Variants in ARHGEF28 observed in about 807,000 individuals in gnomAD.
ARHGEF28 encodes Rho guanine nucleotide exchange factor 28.
Under a neutral mutation model 206.6 loss-of-function variants are expected in ARHGEF28, and 152 were observed. That is an observed-to-expected ratio of 0.74 (90% confidence interval 0.64 to 0.84). ARHGEF28 has a LOEUF of 0.84. Ranked by LOEUF, ARHGEF28 falls within the 40% of genes least tolerant of loss-of-function variation. The pLI, the probability that ARHGEF28 is intolerant of heterozygous loss-of-function variation, is 0.00. For synonymous variants in ARHGEF28, 763 were observed against 776.4 expected (o/e 0.98, Z 0.29); for missense variants, 2,028 against 2,073.2 (o/e 0.98, Z 0.42).
chr5:73,705,773 T>C (rs548523542), intron 2 of ARHGEF28, among the ~76,000 whole-genome samples: 2 of 152,306 alleles, frequency 1.3e-5, no homozygotes, highest in East Asian at 3.9e-4. Context: ...TTTCCTGGAC[T>C]CTCCTAGGTG....
chr5:73,839,126 A>AT (rs1232371122), intron 10 of ARHGEF28, among the ~76,000 whole-genome samples: 1 of 152,200 alleles, frequency 6.6e-6, no homozygotes, highest in African/African-American at 2.4e-5. Context: ...TACGGAAGTG[A>AT]TGATGGGTGC....
chr5:73,792,305 C>T (rs768773652), intron 7 of ARHGEF28, among the ~76,000 whole-genome samples: 5 of 152,098 alleles, frequency 3.3e-5, no homozygotes, highest in Non-Finnish European at 7.4e-5. Context: ...GCATGGCAAG[C>T]TATAAAAACT....
At position 73,869,804 on chromosome 5, in the gene ARHGEF28, A is replaced by C. The variant is rs548902144; in HGVS notation, c.2426-265A>C. On this transcript the variant is annotated intron_variant, in intron 20 of 35. Transcript: ENST00000513042. ...ATGCCTGTAATTCTTGCTACTTGGGAGGCTGAGGCAGGAGAATTGCTTGAA... is the reference window on the plus strand; with the variant it reads ...ATGCCTGTAATTCTTGCTACTTGGGCGGCTGAGGCAGGAGAATTGCTTGAA... Among the ~76,000 whole-genome samples, 18 of 152,188 alleles carry C rather than the reference A, an allele frequency of 1.2e-4. No individual in the cohort carries two copies. The East Asian group carries it at 3.5e-3, about 30-fold the overall frequency.
intron 1 of ARHGEF28, among the ~76,000 whole-genome samples, chr5:73,635,375 A>G (rs1337505423): frequency 6.6e-6 from 1 of 151,682 alleles, no homozygotes; most frequent in African/African-American, 2.4e-5. Flanking sequence ...TTTTTTTTTT[A>G]TCATTTATGT....
intron 2 of ARHGEF28, among the ~76,000 whole-genome samples, chr5:73,747,342 T>A (rs565533284): frequency 6.6e-6 from 1 of 152,176 alleles, no homozygotes; most frequent in Non-Finnish European, 1.5e-5. Flanking sequence ...AAGTAGCAGA[T>A]TTTCAGTGGA....
chr5:73,742,552 C>T (rs1300628882), intron 2 of ARHGEF28, among the ~76,000 whole-genome samples: 2 of 151,722 alleles, frequency 1.3e-5, no homozygotes, highest in Non-Finnish European at 2.9e-5. Context: ...AGGCCGGGCG[C>T]AGTGGCTCAC....
At chr5:73,731,681 A>C (rs1750633682) in intron 2 of ARHGEF28, among the ~76,000 whole-genome samples, 1 of 152,194 alleles carries the variant, frequency 6.6e-6, no homozygotes, top group African/African-American at 2.4e-5. Context: ...TTTTGTATTC[A>C]TTACATGTGC....
intron 4 of ARHGEF28, among the ~76,000 whole-genome samples, chr5:73,761,888 G>A (rs190649650): frequency 6.6e-6 from 1 of 151,866 alleles, no homozygotes; most frequent in African/African-American, 2.4e-5. Flanking sequence ...TTAAGATGGG[G>A]TGTCGCTGTA....
At chr5:73,700,241 G>T (rs1171070943) in intron 2 of ARHGEF28, among the ~76,000 whole-genome samples, 1 of 152,142 alleles carries the variant, frequency 6.6e-6, no homozygotes, top group African/African-American at 2.4e-5. Context: ...GAGAATATGG[G>T]AACCCGTGTG....
intron 31 of ARHGEF28, chr5:73,903,747 A>G (rs967277546): frequency 4.3e-5 from 7 of 163,000 alleles, no homozygotes; most frequent in African/African-American, 1.7e-4. Flanking sequence ...CAACTGCTGT[A>G]TATGTTGATA....
At chr5:73,830,495 A>C (rs912152726) in intron 9 of ARHGEF28, among the ~76,000 whole-genome samples, 2 of 151,030 alleles carry the variant, frequency 1.3e-5, no homozygotes, top group African/African-American at 4.9e-5. Context: ...TGGAGCTTGC[A>C]GTGAGCCGAG....
chr5:73,801,560 AAC>A (rs949003591), intron 9 of ARHGEF28, among the ~76,000 whole-genome samples: 7 of 152,304 alleles, frequency 4.6e-5, no homozygotes, highest in African/African-American at 9.6e-5. Context: ...GTTATTTAAT[AAC>A]ACATGTGTAT....
Position 73,940,926 on chromosome 5 carries a change from A to G in ARHGEF28, c.5031A>G (p.Glu1677=). ...CTCAACTGCAGGCGTTTATAACAGA[A>G]GCAAAGCTAAATCTACCGACAAGGA... ...HRPQLQAFIT[E]AKLNLPTRTM... is the part of the protein sequence containing the mutation. Residue 1677 remains glutamate (E), a synonymous_variant, in exon 36 of 36, where the codon GAA becomes GAG. Coordinates refer to ENST00000513042, the MANE Select transcript of ARHGEF28 (RefSeq NM_001177693.2). The G allele has an allele frequency of 6.5e-7, 1 of 1,534,848 alleles. No homozygotes were observed. The highest frequency in any genetic ancestry group is 8.7e-7 in the Non-Finnish European group (1 of 1,146,672).
intron 7 of ARHGEF28, among the ~76,000 whole-genome samples, chr5:73,794,156 A>C (rs918552582): frequency 6.6e-5 from 10 of 152,212 alleles, no homozygotes; most frequent in African/African-American, 2.4e-4. Flanking sequence ...TTTCCCCTTC[A>C]GGATTTCCTG....
intron 10 of ARHGEF28, among the ~76,000 whole-genome samples, chr5:73,835,903 C>T (rs1757599670): frequency 6.6e-6 from 1 of 152,118 alleles, no homozygotes; most frequent in Non-Finnish European, 1.5e-5. Context: ...TGGATTGCTT[C>T]CTTGCTGCAT....
intron 9 of ARHGEF28, among the ~76,000 whole-genome samples, chr5:73,821,908 T>C (rs935504805): frequency 6.6e-6 from 1 of 152,174 alleles, no homozygotes; most frequent in African/African-American, 2.4e-5. Context: ...TAGGGAGTCT[T>C]GAAGGCTACT....
chr5:73,830,521 T>C (rs1237096586), intron 9 of ARHGEF28, among the ~76,000 whole-genome samples: 1 of 143,046 alleles, frequency 7.0e-6, no homozygotes, highest in Admixed American at 7.3e-5. Flanking sequence ...GCCACTGCAC[T>C]CCAGCCTGGT....
chr5:73,699,350 A>G (rs1748439925), intron 2 of ARHGEF28, among the ~76,000 whole-genome samples: 1 of 151,854 alleles, frequency 6.6e-6, no homozygotes, highest in Non-Finnish European at 1.5e-5. Context: ...TTTTGTGCAG[A>G]TCAATAATAA....
At chr5:73,795,425 G>T (rs768163860) in intron 9 of ARHGEF28, 34 bp downstream of exon 9, 4 of 1,565,160 alleles carry the variant, frequency 2.6e-6, no homozygotes, top group Admixed American at 1.7e-5. Context: ...TACTCGTAGG[G>T]GCATCCCAGA....
Sources: allele counts gnomAD v4.1 joint callset (sites outside exome capture counted in the v4.1 genomes callset), GRCh38; gene constraint gnomAD v4.1.1; transcripts MANE v1.5; gene names NCBI Gene and HGNC (gene_info 2026-07-23, HGNC 2026-07-21).